Variants in PCMTD1 observed in about 807,000 individuals in gnomAD.
PCMTD1 encodes protein-L-isoaspartate O-methyltransferase domain-containing protein 1.
Under a neutral mutation model 37.6 loss-of-function variants are expected in PCMTD1, and 12 were observed. The ratio of observed to expected loss-of-function variants is 0.32; its 90% CI spans 0.20 to 0.52. PCMTD1 has a LOEUF of 0.52. PCMTD1 is among the 20% of genes least tolerant of loss of function. The probability of loss-of-function intolerance (pLI) is 0.97; values close to 1 mark genes in which losing one functional copy is unlikely to be tolerated. For synonymous variants in PCMTD1, 117 were observed against 135.8 expected, an observed-to-expected ratio of 0.86 and a Z score of 0.96; for missense variants, 235 against 421.3, an observed-to-expected ratio of 0.56 and a Z score of 3.87.
intron 2 of PCMTD1, among the ~76,000 whole-genome samples, chr8:51,855,460 G>T (rs2038372911): frequency 1.3e-5 from 2 of 149,440 alleles, no homozygotes; most frequent in African/African-American, 4.9e-5. Flanking sequence ...CTGAACCTGG[G>T]AGGCACAGGC....
intron 1 of PCMTD1, among the ~76,000 whole-genome samples, chr8:51,888,886 C>T (rs1225392061): frequency 3.3e-5 from 5 of 152,148 alleles, no homozygotes. Context: ...TGGTATGTCA[C>T]GAGCACCTCA....
chr8:51,865,436 T>C (rs898413504), intron 1 of PCMTD1, among the ~76,000 whole-genome samples: 12 of 152,028 alleles, frequency 7.9e-5, no homozygotes, highest in African/African-American at 2.4e-4. Context: ...AACAAAATAC[T>C]AGCAAACCAA....
intron 5 of PCMTD1, among the ~76,000 whole-genome samples, chr8:51,822,950 C>T (rs1220659655): frequency 6.6e-6 from 1 of 152,220 alleles, no homozygotes; most frequent in East Asian, 1.9e-4. Flanking sequence ...TCTGTCAACA[C>T]TGTAATTATG....
chr8:51,893,573 T>C (rs2038963370), intron 1 of PCMTD1, among the ~76,000 whole-genome samples: 1 of 152,198 alleles, frequency 6.6e-6, no homozygotes, highest in Non-Finnish European at 1.5e-5. Context: ...TGCAGCTCAT[T>C]AGAAAACTTG....
At chr8:51,885,796 A>G (rs947102778) in intron 1 of PCMTD1, among the ~76,000 whole-genome samples, 7 of 123,898 alleles carry the variant, frequency 5.6e-5, no homozygotes, top group African/African-American at 1.5e-4. Flanking sequence ...ACTGTCGGAT[A>G]GACAGCCTTA....
chr8:51,881,211 T>C (rs1046339738), intron 1 of PCMTD1, among the ~76,000 whole-genome samples: 1 of 151,836 alleles, frequency 6.6e-6, no homozygotes, highest in African/African-American at 2.4e-5. Flanking sequence ...GACTGTTTTA[T>C]ATTGTGAAGT....
At chr8:51,846,355 G>C (rs773227044) in intron 2 of PCMTD1, among the ~76,000 whole-genome samples, 1 of 152,078 alleles carries the variant, frequency 6.6e-6, no homozygotes, top group African/African-American at 2.4e-5. Context: ...TATGCCCATG[G>C]ACGGACTACC....
chr8:51,882,696 T>G (rs1015431864), intron 1 of PCMTD1, among the ~76,000 whole-genome samples: 1 of 151,990 alleles, frequency 6.6e-6, no homozygotes, highest in Non-Finnish European at 1.5e-5. Context: ...GACATATATC[T>G]ATGTACTTGA....
intron 2 of PCMTD1, 49 bp downstream of exon 2, chr8:51,860,796 T>C (rs770689874): frequency 1.3e-5 from 19 of 1,433,614 alleles, no homozygotes; most frequent in Admixed American, 2.2e-5. Flanking sequence ...TAAACCATAA[T>C]ACAAAATGGC....
At chr8:51,863,153 T>C (rs2038499138) in intron 1 of PCMTD1, among the ~76,000 whole-genome samples, 1 of 152,184 alleles carries the variant, frequency 6.6e-6, no homozygotes, top group South Asian at 2.1e-4. Context: ...TCTCTGTCAG[T>C]ATCCAGTGTG....
chr8:51,861,894 T>G (rs1014802089), intron 1 of PCMTD1, among the ~76,000 whole-genome samples: 1 of 151,954 alleles, frequency 6.6e-6, no homozygotes, highest in Non-Finnish European at 1.5e-5. Flanking sequence ...TTTATTTTTT[T>G]GTAGAGACAG....
At chr8:51,894,054 A>C (rs940387931) in intron 1 of PCMTD1, among the ~76,000 whole-genome samples, 27 of 152,330 alleles carry the variant, frequency 1.8e-4, no homozygotes, top group African/African-American at 5.8e-4. Flanking sequence ...AGCTGTATGA[A>C]TGTGCAGGAG....
chr8:51,831,374 T>C, intron 5 of PCMTD1, 70 bp downstream of exon 5: 1 of 1,458,000 alleles, frequency 6.9e-7, no homozygotes, highest in Non-Finnish European at 9.4e-7. Flanking sequence ...TTACATAGTC[T>C]TAAATCCCAA....
intron 1 of PCMTD1, among the ~76,000 whole-genome samples, chr8:51,878,171 A>G (rs898515753): frequency 2.0e-5 from 3 of 152,068 alleles, no homozygotes; most frequent in African/African-American, 7.2e-5. Flanking sequence ...CATGGGTCAC[A>G]TGCAGCCCAG....
At chr8:51,829,951 T>C (rs879318219) in intron 5 of PCMTD1, among the ~76,000 whole-genome samples, 2 of 152,312 alleles carry the variant, frequency 1.3e-5, no homozygotes, top group East Asian at 3.9e-4. Flanking sequence ...GGTTCCTTTT[T>C]GGTAAAGAAT....
At chr8:51,874,098 C>A (rs1171034607) in intron 1 of PCMTD1, among the ~76,000 whole-genome samples, 1 of 151,998 alleles carries the variant, frequency 6.6e-6, no homozygotes, top group Non-Finnish European at 1.5e-5. Flanking sequence ...TGGGGTTTCA[C>A]CATGTTGGCC....
chr8:51,864,895 G>C (rs2038528261), intron 1 of PCMTD1, among the ~76,000 whole-genome samples: 1 of 151,922 alleles, frequency 6.6e-6, no homozygotes, highest in African/African-American at 2.4e-5. Context: ...GAAAAGATCA[G>C]TGAAACTAAG....
At chr8:51,842,261 C>G (rs1371688300) in intron 3 of PCMTD1, among the ~76,000 whole-genome samples, 1 of 151,996 alleles carries the variant, frequency 6.6e-6, no homozygotes, top group Admixed American at 6.6e-5. Context: ...AAAGTACTTA[C>G]AATACTTTTT....
chr8:51,868,054 CTG>C lies in PCMTD1; in HGVS notation c.-95-6810_-95-6809del, dbSNP rs561850679. ...ACTGGCCTGATTTAATCATTCCACACTGTAAACATATATTGAAACATCACATC... is the reference window on the plus strand; with the variant it reads ...ACTGGCCTGATTTAATCATTCCACACTAAACATATATTGAAACATCACATC... On this transcript the variant is annotated intron_variant, in intron 1 of 5. Transcript: ENST00000522514. Among the ~76,000 whole-genome samples, 26 of 152,208 alleles carry C rather than the reference CTG, an allele frequency of 1.7e-4. 1 individual carries two copies. In the Middle Eastern group the frequency reaches 0.014, roughly 80 times the overall value.
Sources: gnomAD v4.1 joint callset for allele counts (sites outside exome capture counted in the v4.1 genomes callset) on GRCh38, gnomAD v4.1.1 for gene constraint, MANE v1.5 for transcripts, NCBI Gene and HGNC (gene_info 2026-07-23, HGNC 2026-07-21) for gene names.